The following CTSO variants were observed in gnomAD, a reference collection of about 807,000 sequenced individuals.
CTSO encodes the protein cathepsin O.
A neutral mutation model predicts 42.4 loss-of-function variants in CTSO; 40 were observed. That is an observed-to-expected ratio of 0.94 (90% confidence interval 0.73 to 1.23). The LOEUF (loss-of-function observed/expected upper bound fraction) is 1.23. Among genes scored for constraint, CTSO ranks in the 50% most tolerant of loss-of-function variants. The pLI is 0.00. For synonymous variants in CTSO, 156 were observed against 146.2 expected (o/e 1.07, Z -0.48); for missense variants, 441 against 396.0 (o/e 1.11, Z -0.96).
Position 155,953,817 on chromosome 4 carries a change from A to G in CTSO, c.31T>C (p.Trp11Arg). Residue 11 changes from tryptophan to arginine, a missense_variant, in exon 1 of 8, where the codon TGG (tryptophan) becomes CGG (arginine). Trp to Arg is a moderately radical substitution (Grantham distance 101). Coordinates refer to ENST00000433477, the MANE Select transcript of CTSO (RefSeq NM_001334.3). ...CCCCGGCACAGCAGCCACAGCAGCC[A>G]CGGCAGCCACGGCAGCGCCCGCACG... MDVRALPWLP[W>R]LLWLLCRGGG... 1 of 1,317,700 alleles carries G rather than the reference A, an allele frequency of 7.6e-7. No homozygotes were observed. Among genetic ancestry groups the G allele is most frequent in the Non-Finnish European group, 9.7e-7 (1 of 1,034,348 alleles). The allele number at this position is 1,317,700 out of a possible 1,614,324, so 81.6% of individuals were successfully genotyped here.
intron 1 of CTSO, among the ~76,000 whole-genome samples, chr4:155,953,169 A>G (rs957098336): frequency 6.6e-6 from 1 of 152,090 alleles, no homozygotes; most frequent in East Asian, 1.9e-4. Flanking sequence ...AAGAACTTTT[A>G]AAGTGGTGCG....
In CTSO at chr4:155,942,388, TG is replaced by T. The variant is rs1224809073; in HGVS notation, c.312del (p.Asn105MetfsTer6). 2 of 1,603,950 alleles carry T rather than the reference TG, an allele frequency of 1.2e-6. No homozygotes were observed. The highest frequency in any genetic ancestry group is 2.7e-5 in the African/African-American group (2 of 74,064). On this transcript the variant is annotated frameshift_variant, in exon 3 of 8. Transcript: ENST00000433477. LOFTEE classifies it high-confidence loss of function. ...TCAAATCTTAACGGCAAAGACACAT[TG>T]GGGATGGACATATGTACTTCTGCTG... ...RYSAEVHMSI[P>X]NVSLPLRFDW...
At chr4:155,934,266 A>C (rs1235695243) in intron 5 of CTSO, among the ~76,000 whole-genome samples, 2 of 152,212 alleles carry the variant, frequency 1.3e-5, no homozygotes, top group African/African-American at 4.8e-5. Flanking sequence ...ATAGAAGACA[A>C]GAATTGAGAT....
rs1199321798 is a variant in CTSO at position 155,925,405 on chromosome 4, C to A, written c.*631G>T. 6.6e-6 allele frequency: 1 copy of A among 152,110 alleles called. No homozygotes were observed. The highest frequency in any genetic ancestry group is 1.5e-5 in the Non-Finnish European group (1 of 68,026). The allele number at this position is 152,110 out of a possible 1,614,324, so 9.4% of individuals were successfully genotyped here. On this transcript the variant is annotated 3_prime_UTR_variant, in exon 8 of 8. Coordinates refer to ENST00000433477, the MANE Select transcript of CTSO (RefSeq NM_001334.3). ...TTACTTATATAGTTGCCTTATTGTTCATTTAATTTCAGTTTAACTGAAGCG... is the reference window on the plus strand; with the variant it reads ...TTACTTATATAGTTGCCTTATTGTTAATTTAATTTCAGTTTAACTGAAGCG...
intron 1 of CTSO, among the ~76,000 whole-genome samples, chr4:155,949,306 T>C (rs1256032853): frequency 6.6e-6 from 1 of 152,230 alleles, no homozygotes; most frequent in African/African-American, 2.4e-5. Flanking sequence ...TGAAGCGTTA[T>C]AAACTTTAAG....
At chr4:155,927,574 C>T (rs770576138) in intron 7 of CTSO, among the ~76,000 whole-genome samples, 42 of 152,066 alleles carry the variant, frequency 2.8e-4, no homozygotes, top group Non-Finnish European at 5.6e-4. Flanking sequence ...TTGAGACCAT[C>T]CTGGCTAACA....
In CTSO at chr4:155,942,355, C is replaced by T. The variant is rs749560268; in HGVS notation, c.346G>A (p.Asp116Asn). The T allele has an allele frequency of 5.2e-5, 83 of 1,588,852 alleles. No individual in the cohort carries two copies. The highest frequency in any genetic ancestry group is 6.8e-5 in the Non-Finnish European group (80 of 1,169,074). ...VSLPLRFDWR[D>N]KQVVTQVRNQ... Reference sequence around the variant, plus strand: ...CTCACTTGTGTCACAACCTGCTTGTCCCTCCAGTCAAATCTTAACGGCAAA... The same window carrying T: ...CTCACTTGTGTCACAACCTGCTTGTTCCTCCAGTCAAATCTTAACGGCAAA... Residue 116 changes from aspartate to asparagine, a missense_variant, in exon 3 of 8, where the codon GAC becomes AAC. Transcript: ENST00000433477.
chr4:155,926,057 G>A lies in CTSO; in HGVS notation c.945C>T (p.Ser315=), dbSNP rs551582997. ...MGSNVCGIAD[S]VSSIFV ...CATGTCACACAAATATAGAAGAAAC[G>A]GAATCTGCAATACCTAAGGGAAAAA... The change falls in exon 8 of 8, where the codon TCC becomes TCT. Residue 315 remains serine, a synonymous_variant. Transcript: ENST00000433477. The A allele has an allele frequency of 9.5e-6, 15 of 1,585,766 alleles. No homozygotes were observed. The highest frequency in any genetic ancestry group is 1.8e-5 in the Admixed American group (1 of 54,066).
intron 4 of CTSO, among the ~76,000 whole-genome samples, chr4:155,938,516 T>G (rs1323512018): frequency 6.6e-6 from 1 of 152,154 alleles, no homozygotes; most frequent in African/African-American, 2.4e-5. Flanking sequence ...TGAGGGACAC[T>G]GGGGTATACT....
chr4:155,935,155 G>C (rs550438462), intron 5 of CTSO, among the ~76,000 whole-genome samples: 3 of 152,214 alleles, frequency 2.0e-5, no homozygotes, highest in African/African-American at 7.2e-5. Context: ...GTTTATCGGG[G>C]GTTACGCTTT....
intron 7 of CTSO, 111 bp downstream of exon 7, chr4:155,928,225 A>T: frequency 3.1e-6 from 2 of 646,140 alleles, no homozygotes; most frequent in Non-Finnish European, 4.9e-6. Flanking sequence ...ATTTGGTTAA[A>T]GGACAAAAAT....
At chr4:155,946,064 A>G (rs1443622431) in intron 1 of CTSO, among the ~76,000 whole-genome samples, 1 of 152,168 alleles carries the variant, frequency 6.6e-6, no homozygotes, top group Admixed American at 6.5e-5. Context: ...AGTGTAGGCA[A>G]TGCTGTACGT....
rs1261535363 is a variant in CTSO, at chr4:155,924,447, G to GT, written c.*1588dup. ...CGTAAGAAGAGAAATACAGCATTTT[G>GT]TTTTTTATTTTGTTTATCTAATCAC... is the stretch of plus-strand genomic sequence containing the variant. On this transcript the variant is annotated 3_prime_UTR_variant, in exon 8 of 8. Coordinates refer to ENST00000433477, the MANE Select transcript of CTSO (RefSeq NM_001334.3). 4.6e-5 allele frequency: 7 copies of GT among 152,082 alleles called. No homozygotes were observed. The East Asian group carries it at 1.2e-3, about 25-fold the overall frequency. The allele number at this position is 152,082 out of a possible 1,614,324, so 9.4% of individuals were successfully genotyped here. A position where few individuals can be genotyped will look rare whatever the true frequency, so the allele number is the denominator to read the frequency against.
At chr4:155,941,320 G>A (rs1743425962) in intron 3 of CTSO, among the ~76,000 whole-genome samples, 2 of 152,224 alleles carry the variant, frequency 1.3e-5, no homozygotes, top group Admixed American at 1.3e-4. Context: ...GGGTAGGGAA[G>A]GTCAGCAAAG....
At position 155,939,597 on chromosome 4, in the gene CTSO, C is replaced by A. The variant is rs879131583; in HGVS notation, c.385-59G>T. On this transcript the variant is annotated intron_variant, in intron 3 of 7. Transcript: ENST00000433477. The stretch of plus-strand genomic sequence containing the variant: ...AGGGTTTAAATCAACTTACCAACAT[C>A]TCTAAATGTAACAAGTTATCAAATC... The A allele has an allele frequency of 1.3e-5, 18 of 1,428,742 alleles. 1 individual carries two copies. The South Asian group carries it at 2.6e-4, about 20-fold the overall frequency. 88.5% of individuals were successfully genotyped at this position (1,428,742 alleles called of 1,614,324 possible).
rs563317527 is a variant in CTSO at position 155,927,980 on chromosome 4, G to T, written c.931+356C>A. ...GCAGATATTATAATACAGAAATTAA[G>T]AAAAATTTATAGTTATGAAATGTAA... On this transcript the variant is annotated intron_variant, in intron 7 of 7. Transcript: ENST00000433477. Among the ~76,000 whole-genome samples, 187 of 152,114 alleles carry T rather than the reference G, an allele frequency of 1.2e-3. 1 individual carries two copies. Among genetic ancestry groups the T allele is most frequent in the African/African-American group, 4.3e-3 (179 of 41,502 alleles).
At chr4:155,933,564 T>A (rs1171526202) in intron 5 of CTSO, among the ~76,000 whole-genome samples, 1 of 152,038 alleles carries the variant, frequency 6.6e-6, no homozygotes, top group Non-Finnish European at 1.5e-5. Flanking sequence ...GAAAGGAAAA[T>A]GTGGGAAAGT....
intron 1 of CTSO, among the ~76,000 whole-genome samples, chr4:155,945,427 CAA>C (rs1209327275): frequency 6.6e-6 from 1 of 152,040 alleles, no homozygotes; most frequent in Non-Finnish European, 1.5e-5. Flanking sequence ...ACAAAATGGA[CAA>C]ACTTTTTGCA....
chr4:155,951,179 A>G (rs1743667523), intron 1 of CTSO, among the ~76,000 whole-genome samples: 2 of 152,164 alleles, frequency 1.3e-5, no homozygotes, highest in Non-Finnish European at 2.9e-5. Flanking sequence ...ATTTTATGTA[A>G]AATCACATGT....
Sources: gnomAD v4.1 joint callset for allele counts (sites outside exome capture counted in the v4.1 genomes callset) on GRCh38, gnomAD v4.1.1 for gene constraint, MANE v1.5 for transcripts, NCBI Gene and HGNC (gene_info 2026-07-23, HGNC 2026-07-21) for gene names.